WTIP: variants seen among roughly 807,000 people sequenced by gnomAD.
The protein encoded by WTIP is WT1 interacting protein.
WTIP carries 23 observed loss-of-function variants against 41.7 expected under a neutral mutation model. The observed-to-expected ratio is 0.55, with a 90% confidence interval of 0.40 to 0.78. The LOEUF is 0.78. WTIP is among the 30% of genes least tolerant of loss of function. The pLI is 0.00. For synonymous variants in WTIP, 314 were observed against 269.9 expected (o/e 1.16, Z -1.60); for missense variants, 619 against 610.5 (o/e 1.01, Z -0.15).
intron 6 of WTIP, among the ~76,000 whole-genome samples, chr19:34,495,196 G>T (rs572584507): frequency 6.6e-6 from 1 of 152,308 alleles, no homozygotes; most frequent in African/African-American, 2.4e-5. Context: ...AGGAGTTTGA[G>T]ACCAGCCTGG....
chr19:34,497,568 G>A (rs2075861571), intron 7 of WTIP, among the ~76,000 whole-genome samples: 1 of 152,182 alleles, frequency 6.6e-6, no homozygotes, highest in Admixed American at 6.5e-5. Flanking sequence ...GTCATTTAAG[G>A]ACACACACAG....
At chr19:34,487,954 GC>G (rs1320558513) in intron 1 of WTIP, among the ~76,000 whole-genome samples, 1 of 152,196 alleles carries the variant, frequency 6.6e-6, no homozygotes, top group Non-Finnish European at 1.5e-5. Context: ...CCCTGGCGTT[GC>G]TGGTCACCCC....
rs2075886428 is a variant in WTIP at position 34,501,481 on chromosome 19, G to A, written c.*1212G>A. ...CATGGGAGGCCCTGGTCCTGATGCG[G>A]AATCCCCAGGGGTTCAGGGGACATC... On this transcript the variant is annotated 3_prime_UTR_variant, in exon 8 of 8. Transcript: ENST00000590071. The A allele has an allele frequency of 6.6e-6, 1 of 152,308 alleles. No homozygotes were observed. Among genetic ancestry groups the A allele is most frequent in the Non-Finnish European group, 1.5e-5 (1 of 68,100 alleles). 9.4% of individuals were successfully genotyped at this position (152,308 alleles called of 1,614,324 possible).
rs1376473579 is a variant in WTIP, at chr19:34,505,801, G to T, written c.*5532G>T. ...TCAGCCCTGCTGAGGAAGGGTTAGG[G>T]TGGGCTGCAGGCTGGAGGCCAGGGA... is the stretch of plus-strand genomic sequence containing the variant. On this transcript the variant is annotated 3_prime_UTR_variant, in exon 8 of 8. Coordinates refer to ENST00000590071, the MANE Select transcript of WTIP (RefSeq NM_001080436.2). 5.9e-5 allele frequency: 9 copies of T among 152,572 alleles called. No individual in the cohort carries two copies. In the East Asian group the frequency reaches 1.7e-3, roughly 29 times the overall value. 9.5% of individuals were successfully genotyped at this position (152,572 alleles called of 1,614,324 possible).
At position 34,506,005 on chromosome 19, in the gene WTIP, C is replaced by G. The variant is rs1178195852; in HGVS notation, c.*5736C>G. The G allele has an allele frequency of 6.6e-6, 1 of 152,292 alleles. No homozygotes were observed. The highest frequency in any genetic ancestry group is 1.9e-4 in the East Asian group (1 of 5,194). The allele number at this position is 152,292 out of a possible 1,614,324, so 9.4% of individuals were successfully genotyped here. A position where few individuals can be genotyped will look rare whatever the true frequency, so the allele number is the denominator to read the frequency against. On this transcript the variant is annotated 3_prime_UTR_variant, in exon 8 of 8. Transcript: ENST00000590071. Reference sequence around the variant, plus strand: ...GTGGATCTCAGCCAGGACTTCTCGTCCCTGAGAACAGATTGGGGCTGGGAG... The same window carrying G: ...GTGGATCTCAGCCAGGACTTCTCGTGCCTGAGAACAGATTGGGGCTGGGAG...
At chr19:34,482,875 G>T (rs1160215277) in intron 1 of WTIP, among the ~76,000 whole-genome samples, 1 of 152,074 alleles carries the variant, frequency 6.6e-6, no homozygotes, top group East Asian at 1.9e-4. Context: ...TGGGTCCCCC[G>T]ACACACGAGG....
chr19:34,485,240 G>T (rs1184885947), intron 1 of WTIP, among the ~76,000 whole-genome samples: 1 of 152,052 alleles, frequency 6.6e-6, no homozygotes, highest in East Asian at 1.9e-4. Context: ...GTACCGCCAT[G>T]CCCGGCTAAT....
At chr19:34,499,845 A>G (rs1568403089) in intron 7 of WTIP, among the ~76,000 whole-genome samples, 1 of 151,926 alleles carries the variant, frequency 6.6e-6, no homozygotes, top group Non-Finnish European at 1.5e-5. Flanking sequence ...GATTACAGGC[A>G]TGTGCCACTA....
rs558898947 is a variant in WTIP, at chr19:34,491,799, C to T, written c.770-1238C>T. Among the ~76,000 whole-genome samples the T allele has an allele frequency of 7.9e-5, 12 of 152,076 alleles. No individual in the cohort carries two copies. The South Asian group carries it at 1.5e-3, about 18-fold the overall frequency. On this transcript the variant is annotated intron_variant, in intron 2 of 7. Coordinates refer to ENST00000590071, the MANE Select transcript of WTIP (RefSeq NM_001080436.2). ...AGCTGGGACTATAGGCGCGCAACAC[C>T]ACGCCCGGCTAATTTTTTGTATTTT...
At chr19:34,500,105 G>T in intron 7 of WTIP, 24 bp from the exon 8 acceptor site, 1 of 1,597,312 alleles carries the variant, frequency 6.3e-7, no homozygotes. Context: ...TGACTCTGGG[G>T]CTGGGGGCTG....
chr19:34,494,526 C>A, intron 5 of WTIP, 60 bp from the exon 6 acceptor site: 3 of 1,564,128 alleles, frequency 1.9e-6, no homozygotes, highest in South Asian at 1.1e-5. Flanking sequence ...TGCCCCTGTG[C>A]TTGTGCCCTT....
intron 1 of WTIP, among the ~76,000 whole-genome samples, chr19:34,488,550 G>A (rs899664722): frequency 6.6e-6 from 1 of 151,764 alleles, no homozygotes; most frequent in Non-Finnish European, 1.5e-5. Flanking sequence ...AATTTTTGTA[G>A]AGATGAGGGT....
chr19:34,497,667 G>A (rs1048846267), intron 7 of WTIP, among the ~76,000 whole-genome samples: 1 of 152,222 alleles, frequency 6.6e-6, no homozygotes, highest in African/African-American at 2.4e-5. Flanking sequence ...AGCAGAGCAA[G>A]TGGCGGTGGG....
At chr19:34,483,183 C>CTTTT (rs10611262) in intron 1 of WTIP, among the ~76,000 whole-genome samples, 1 of 102,602 alleles carries the variant, frequency 9.7e-6, no homozygotes, top group Non-Finnish European at 2.0e-5. Context: ...CTTCTTCTTA[C>CTTTT]TTTTTTTTTT....
chr19:34,505,973 G>A lies in WTIP; in HGVS notation c.*5704G>A, dbSNP rs1445601125. On this transcript the variant is annotated 3_prime_UTR_variant, in exon 8 of 8. Coordinates refer to ENST00000590071, the MANE Select transcript of WTIP (RefSeq NM_001080436.2). ...CATGGCCTGGGGTCACCACCTTCCT[G>A]AGCTGCGTGGATCTCAGCCAGGACT... 6.6e-6 allele frequency: 1 copy of A among 152,298 alleles called. No individual in the cohort carries two copies. Among genetic ancestry groups the A allele is most frequent in the Non-Finnish European group, 1.5e-5 (1 of 68,100 alleles). The allele number at this position is 152,298 out of a possible 1,614,324, so 9.4% of individuals were successfully genotyped here. A position where few individuals can be genotyped will look rare whatever the true frequency, so the allele number is the denominator to read the frequency against.
chr19:34,512,280 T>G lies in WTIP; in HGVS notation c.*12011T>G, dbSNP rs1333377263. On this transcript the variant is annotated 3_prime_UTR_variant, in exon 8 of 8. Transcript: ENST00000590071. ...ACGTATTGTACTTTGATAAAGTTAA[T>G]AAATGGAATTCTCCTTTACCTCAAG... 6.6e-6 allele frequency: 1 copy of G among 152,252 alleles called. No individual in the cohort carries two copies. Among genetic ancestry groups the G allele is most frequent in the Non-Finnish European group, 1.5e-5 (1 of 68,046 alleles). The allele number at this position is 152,252 out of a possible 1,614,324, so 9.4% of individuals were successfully genotyped here.
Position 34,482,131 on chromosome 19 carries a change from G to A in WTIP, c.157G>A (p.Gly53Arg), listed in dbSNP as rs1300078529. 2 of 1,055,770 alleles carry A rather than the reference G, an allele frequency of 1.9e-6. No homozygotes were observed. Among genetic ancestry groups the A allele is most frequent in the Non-Finnish European group, 1.1e-6 (1 of 877,244 alleles). The allele number at this position is 1,055,770 out of a possible 1,614,324, so 65.4% of individuals were successfully genotyped here. The change falls in exon 1 of 8, where the codon GGG becomes AGG. Residue 53 changes from glycine to arginine, a missense_variant. Gly to Arg is a moderately radical substitution (Grantham distance 125, BLOSUM62 -2). Transcript: ENST00000590071. The part of the protein sequence containing the change: ...DEAAPALGRR[G>R]KGSGGPEAGA... ...GGCGGCGCCCGCGCTGGGCCGCAGA[G>A]GGAAGGGCAGCGGCGGCCCCGAGGC...
At position 34,501,157 on chromosome 19, in the gene WTIP, A is replaced by G. The variant is rs1434091964; in HGVS notation, c.*888A>G. ...ATATTTTCATTTTCTTTAAAAGAATATAATTTTCTTCTAAGATCTTGGACC... is the reference window on the plus strand; with the variant it reads ...ATATTTTCATTTTCTTTAAAAGAATGTAATTTTCTTCTAAGATCTTGGACC... On this transcript the variant is annotated 3_prime_UTR_variant, in exon 8 of 8. Transcript: ENST00000590071. The G allele has an allele frequency of 1.3e-5, 2 of 152,686 alleles. No homozygotes were observed. The highest frequency in any genetic ancestry group is 4.8e-5 in the African/African-American group (2 of 41,468). 9.5% of individuals were successfully genotyped at this position (152,686 alleles called of 1,614,324 possible).
intron 5 of WTIP, 80 bp from the exon 6 acceptor site, chr19:34,494,506 T>C: frequency 7.0e-7 from 1 of 1,428,798 alleles, no homozygotes; most frequent in South Asian, 1.2e-5. Context: ...CGTCAGTGGG[T>C]TCCTGTGGGT....
Sources: gnomAD v4.1 joint callset for allele counts (sites outside exome capture counted in the v4.1 genomes callset) on GRCh38, gnomAD v4.1.1 for gene constraint, MANE v1.5 for transcripts, NCBI Gene and HGNC (gene_info 2026-07-23, HGNC 2026-07-21) for gene names.